TBCD: variants seen among roughly 807,000 people sequenced by gnomAD.
TBCD encodes the protein tubulin folding cofactor D, also known as tubulin-specific chaperone D.
TBCD carries 105 observed loss-of-function variants against 169.3 expected under a neutral mutation model. That is an observed-to-expected ratio of 0.62 (90% CI 0.53 to 0.73). The LOEUF is 0.73. Among genes scored for constraint, TBCD ranks in the 30% least tolerant of loss-of-function variants. TBCD has a pLI of 0.00. For synonymous variants in TBCD, 700 were observed against 643.9 expected (o/e 1.09, Z -1.32); for missense variants, 1,444 against 1,600.1 (o/e 0.90, Z 1.66).
intron 14 of TBCD, among the ~76,000 whole-genome samples, chr17:82,875,772 A>G (rs74000147): frequency 0.01 from 1,569 of 152,312 alleles, 20 homozygotes; most frequent in African/African-American, 0.035. Context: ...CGTGTTTTTC[A>G]AGAAAAGTTA....
intron 6 of TBCD, among the ~76,000 whole-genome samples, chr17:82,777,705 A>G (rs530703328): frequency 6.6e-6 from 1 of 152,380 alleles, no homozygotes; most frequent in South Asian, 2.1e-4. Context: ...ATGGAACGTG[A>G]AGGCAGACTA....
Position 82,897,323 on chromosome 17 carries a change from T to C in TBCD, c.1650-3328T>C, listed in dbSNP as rs1599333174. ...TCACGAGGTCAAGAGATCGAGACCA[T>C]CCTGGCCAACATGGTGAAACCCCGT... On this transcript the variant is annotated intron_variant, in intron 17 of 38. Coordinates refer to ENST00000355528, the MANE Select transcript of TBCD (RefSeq NM_005993.5). Among the ~76,000 whole-genome samples the C allele has an allele frequency of 3.9e-5, 6 of 152,002 alleles. 2 individuals are homozygous for C. Among genetic ancestry groups the C allele is most frequent in the Admixed American group, 3.9e-4 (6 of 15,262 alleles).
chr17:82,755,912 G>A (rs1335299340), intron 1 of TBCD, among the ~76,000 whole-genome samples: 1 of 152,172 alleles, frequency 6.6e-6, no homozygotes, highest in East Asian at 1.9e-4. Context: ...AGTGGGAAAA[G>A]AGGAACAGTG....
At chr17:82,927,845 G>C in intron 29 of TBCD, 60 bp from the exon 30 acceptor site, 1 of 1,499,264 alleles carries the variant, frequency 6.7e-7, no homozygotes, top group South Asian at 1.1e-5. Context: ...GTGGTGGGCA[G>C]AACCAGGGTT....
intron 29 of TBCD, 87 bp downstream of exon 29, chr17:82,927,410 A>G (rs2061846288): frequency 1.3e-6 from 2 of 1,489,316 alleles, no homozygotes; most frequent in African/African-American, 1.4e-5. Context: ...TTCTGCAGGG[A>G]GAAATCTTTG....
chr17:82,803,941 G>A (rs1361734774), intron 9 of TBCD, among the ~76,000 whole-genome samples: 21 of 145,786 alleles, frequency 1.4e-4, no homozygotes, highest in African/African-American at 4.6e-4. Flanking sequence ...GCACCTGCCC[G>A]TGGGACGTTA....
intron 17 of TBCD, chr17:82,896,094 C>G (rs940772807): frequency 4.6e-5 from 7 of 152,350 alleles, no homozygotes; most frequent in African/African-American, 1.7e-4. Context: ...TCCCTCCCCT[C>G]CCACACCCCC....
chr17:82,887,183 G>A (rs940617354), intron 15 of TBCD, among the ~76,000 whole-genome samples: 7 of 131,858 alleles, frequency 5.3e-5, no homozygotes, highest in African/African-American at 2.0e-4. Context: ...GCGCGCGCAC[G>A]TGCGCTCACG....
In TBCD at chr17:82,860,910, G is replaced by A. The variant is rs1031294664; in HGVS notation, c.1319-9314G>A. Among the ~76,000 whole-genome samples the A allele has an allele frequency of 6.6e-5, 10 of 152,330 alleles. No individual in the cohort carries two copies. The South Asian group carries it at 2.1e-3, about 32-fold the overall frequency. ...GCCATTGCACCCGGCCCTGGACACA[G>A]GGCGGCCACCGCATCCGGCCCTGGA... On this transcript the variant is annotated intron_variant, in intron 13 of 38. Transcript: ENST00000355528.
chr17:82,811,915 A>G (rs1404162087), intron 12 of TBCD, among the ~76,000 whole-genome samples: 1 of 152,192 alleles, frequency 6.6e-6, no homozygotes, highest in African/African-American at 2.4e-5. Flanking sequence ...CCCAGCACCC[A>G]GGAGGGTTAA....
In TBCD at chr17:82,889,279, G is replaced by A. The variant is rs576487721; in HGVS notation, c.1534-389G>A. ...GGCAGGGCGCCCTCCCTGGAGGGCG[G>A]CACGTGGTGCCAGTTGGTGACCATG... On this transcript the variant is annotated intron_variant, in intron 15 of 38. Transcript: ENST00000355528. The surrounding 1 kb of genome is among the most constrained non-coding windows in gnomAD (Gnocchi z 5.3). Among the ~76,000 whole-genome samples, 119 of 152,266 alleles carry A rather than the reference G, an allele frequency of 7.8e-4. No homozygotes were observed. Among genetic ancestry groups the A allele is most frequent in the African/African-American group, 2.8e-3 (117 of 41,566 alleles).
In TBCD at chr17:82,843,280, T is replaced by C. The variant is rs182144611; in HGVS notation, c.1319-26944T>C. ...ACACAGCTGTCTGTGTTCCCTTCCC[T>C]TCCCCTCCCTGTCCAGCTTACTTAC... On this transcript the variant is annotated intron_variant, in intron 13 of 38. Coordinates refer to ENST00000355528, the MANE Select transcript of TBCD (RefSeq NM_005993.5). Among the ~76,000 whole-genome samples, 16 of 139,498 alleles carry C rather than the reference T, an allele frequency of 1.1e-4. No homozygotes were observed. The East Asian group carries it at 1.6e-3, about 14-fold the overall frequency. 91.5% of individuals were successfully genotyped at this position (139,498 alleles called of 152,430 possible).
chr17:82,852,057 C>T (rs11077948), intron 13 of TBCD, among the ~76,000 whole-genome samples: 92,753 of 151,880 alleles, frequency 0.61, 28,352 homozygotes, highest in East Asian at 0.71. Flanking sequence ...TGGCTTGTAA[C>T]GCATTTGCAG....
chr17:82,908,994 G>A (rs921242340), intron 21 of TBCD, among the ~76,000 whole-genome samples: 1 of 152,224 alleles, frequency 6.6e-6, no homozygotes, highest in South Asian at 2.1e-4. Context: ...TGGGTTCTAC[G>A]TCGGTCTCTG....
At chr17:82,773,210 G>A (rs1428150406) in intron 6 of TBCD, among the ~76,000 whole-genome samples, 2 of 152,244 alleles carry the variant, frequency 1.3e-5, no homozygotes, top group African/African-American at 4.8e-5. Context: ...AATACGGTCA[G>A]TGCCTCATGC....
intron 8 of TBCD, among the ~76,000 whole-genome samples, chr17:82,799,589 C>T (rs543829996): frequency 6.0e-4 from 91 of 152,166 alleles, no homozygotes; most frequent in South Asian, 4.1e-3. Context: ...CAGGAGTGTG[C>T]GAGTTTTCGT....
chr17:82,934,441 G>A (rs143231749), intron 34 of TBCD, among the ~76,000 whole-genome samples: 9 of 152,088 alleles, frequency 5.9e-5, no homozygotes, highest in Non-Finnish European at 1.0e-4. Context: ...CGGTTGTGGC[G>A]TATTATCCTT....
At chr17:82,794,911 T>G (rs11655811) in intron 7 of TBCD, among the ~76,000 whole-genome samples, 57,592 of 152,094 alleles carry the variant, frequency 0.38, 11,094 homozygotes, top group Middle Eastern at 0.41. Flanking sequence ...CCCTTCGCCC[T>G]GTAAATGTGT....
Position 82,851,336 on chromosome 17 carries a change from G to A in TBCD, c.1319-18888G>A, listed in dbSNP as rs1041105240. Among the ~76,000 whole-genome samples the A allele has an allele frequency of 9.2e-5, 14 of 152,356 alleles. No homozygotes were observed. The East Asian group carries it at 2.5e-3, about 27-fold the overall frequency. ...ATTATTCTATCTAAAATTTTGGGAT[G>A]CAGCTAAGGAAACTTAAACCTTTAA... is the stretch of plus-strand genomic sequence containing the variant. On this transcript the variant is annotated intron_variant, in intron 13 of 38. Coordinates refer to ENST00000355528, the MANE Select transcript of TBCD (RefSeq NM_005993.5).
Sources: allele counts gnomAD v4.1 joint callset (sites outside exome capture counted in the v4.1 genomes callset), GRCh38; gene constraint gnomAD v4.1.1; non-coding constraint Gnocchi (gnomAD v3.1); transcripts MANE v1.5; gene names NCBI Gene and HGNC (gene_info 2026-07-23, HGNC 2026-07-21).